SNTG1: variants seen among roughly 807,000 people sequenced by gnomAD.
SNTG1 encodes the protein syntrophin gamma 1.
Under a neutral mutation model 74.7 loss-of-function variants are expected in SNTG1, and 39 were observed. The ratio of observed to expected loss-of-function variants is 0.52; its 90% confidence interval spans 0.40 to 0.68. The LOEUF (loss-of-function observed/expected upper bound fraction) is 0.68. Among genes scored for constraint, SNTG1 ranks in the 30% least tolerant of loss-of-function variants. The pLI is 0.00. For missense variants in SNTG1, 685 were observed against 609.5 expected, an observed-to-expected ratio of 1.12 and a Z score of -1.30; for synonymous variants, 254 against 217.1, an observed-to-expected ratio of 1.17 and a Z score of -1.49.
At chr8:50,174,038 C>G (rs1171552916) in intron 2 of SNTG1, among the ~76,000 whole-genome samples, 6 of 152,128 alleles carry the variant, frequency 3.9e-5, no homozygotes, top group African/African-American at 1.4e-4. Context: ...CTCCCTGTGT[C>G]CATGTGTTCT....
intron 4 of SNTG1, among the ~76,000 whole-genome samples, chr8:50,411,334 G>A (rs189447256): frequency 1.6e-4 from 24 of 151,874 alleles, no homozygotes; most frequent in East Asian, 1.2e-3. Flanking sequence ...TGTAGTGCCC[G>A]CTACTCAGGA....
intron 1 of SNTG1, among the ~76,000 whole-genome samples, chr8:50,155,824 CATAAGATAGAAATA>C (rs2082236049): frequency 6.6e-6 from 1 of 151,596 alleles, no homozygotes; most frequent in East Asian, 1.9e-4. Flanking sequence ...AGAAAACAAA[CATAAGATAGAAATA>C]ATAAAGACAA....
chr8:50,112,149 A>G (rs889988243), intron 1 of SNTG1, among the ~76,000 whole-genome samples: 1 of 152,140 alleles, frequency 6.6e-6, no homozygotes, highest in African/African-American at 2.4e-5. Flanking sequence ...TAGTTGGCAT[A>G]TATTTTATTT....
intron 1 of SNTG1, among the ~76,000 whole-genome samples, chr8:50,162,221 C>T (rs2082440668): frequency 6.6e-6 from 1 of 152,016 alleles, no homozygotes. Flanking sequence ...GTCACAAAGC[C>T]AATGGGAAGT....
chr8:50,530,269 C>G lies in SNTG1; in HGVS notation c.549+10C>G, dbSNP rs936401769. 1.9e-6 allele frequency: 3 copies of G among 1,612,310 alleles called. No homozygotes were observed. Among genetic ancestry groups the G allele is most frequent in the Non-Finnish European group, 2.5e-6 (3 of 1,178,644 alleles). On this transcript the variant is annotated intron_variant, in intron 10 of 18. Transcript: ENST00000642720. Reference sequence around the variant, plus strand: ...CCATCCCAACAATACAGTAAGATGACCCAGGCATAGCTCAGATTAATAAGG... The same window carrying G: ...CCATCCCAACAATACAGTAAGATGAGCCAGGCATAGCTCAGATTAATAAGG...
chr8:50,504,340 T>C (rs2093988790), intron 9 of SNTG1, among the ~76,000 whole-genome samples: 1 of 152,230 alleles, frequency 6.6e-6, no homozygotes, highest in Non-Finnish European at 1.5e-5. Context: ...GAATGATTTA[T>C]ATGTATTGGG....
At chr8:50,130,906 C>T (rs1403319400) in intron 1 of SNTG1, among the ~76,000 whole-genome samples, 1 of 152,038 alleles carries the variant, frequency 6.6e-6, no homozygotes. Flanking sequence ...AACATTTGAG[C>T]TCTTTGTTCT....
At chr8:50,218,570 T>C (rs1444577569) in intron 2 of SNTG1, among the ~76,000 whole-genome samples, 6 of 152,072 alleles carry the variant, frequency 3.9e-5, no homozygotes, top group Admixed American at 3.9e-4. Flanking sequence ...TTTTTCAGTA[T>C]AGTGAATGGT....
chr8:49,939,272 T>G (rs1011330788), intron 1 of SNTG1, among the ~76,000 whole-genome samples: 1 of 152,240 alleles, frequency 6.6e-6, no homozygotes, highest in African/African-American at 2.4e-5. Context: ...TAAATTTGTA[T>G]CTGTATTACT....
chr8:50,015,986 C>T (rs1182428098), intron 1 of SNTG1, among the ~76,000 whole-genome samples: 4 of 151,952 alleles, frequency 2.6e-5, no homozygotes, highest in Admixed American at 1.3e-4. Context: ...AAGAATTGGG[C>T]CCTTTCTGTT....
At chr8:50,754,453 A>G (rs1266333821) in intron 18 of SNTG1, among the ~76,000 whole-genome samples, 1 of 151,842 alleles carries the variant, frequency 6.6e-6, no homozygotes, top group Non-Finnish European at 1.5e-5. Context: ...TGTTATATGT[A>G]TGTTATATCC....
chr8:50,127,043 G>C (rs2081164415), intron 1 of SNTG1, among the ~76,000 whole-genome samples: 1 of 152,054 alleles, frequency 6.6e-6, no homozygotes, highest in Non-Finnish European at 1.5e-5. Context: ...AAAGTCTCCT[G>C]GTAAATAAGG....
intron 2 of SNTG1, among the ~76,000 whole-genome samples, chr8:50,201,015 T>G (rs964784847): frequency 2.6e-5 from 4 of 152,170 alleles, no homozygotes; most frequent in African/African-American, 9.7e-5. Flanking sequence ...TGTCTTTTGA[T>G]TTTTTATTTT....
At chr8:50,478,253 C>T (rs113785819) in intron 8 of SNTG1, among the ~76,000 whole-genome samples, 2,117 of 152,240 alleles carry the variant, frequency 0.014, 37 homozygotes, top group Non-Finnish European at 0.02. Flanking sequence ...GGATTTCAAC[C>T]TATTTTGAAA....
At chr8:50,054,843 T>G (rs1819887511) in intron 1 of SNTG1, among the ~76,000 whole-genome samples, 1 of 152,182 alleles carries the variant, frequency 6.6e-6, no homozygotes. Flanking sequence ...AGCTAATTTC[T>G]TATTGTTATT....
At chr8:50,497,585 C>A (rs1399190832) in intron 8 of SNTG1, among the ~76,000 whole-genome samples, 1 of 151,694 alleles carries the variant, frequency 6.6e-6, no homozygotes, top group Non-Finnish European at 1.5e-5. Context: ...AAAGAAAAAA[C>A]ACTGGAAATT....
rs1049239562 is a variant in SNTG1 at position 50,435,373 on chromosome 8, A to T, written c.163-3170A>T. Among the ~76,000 whole-genome samples, 29 of 152,338 alleles carry T rather than the reference A, an allele frequency of 1.9e-4. 1 individual carries two copies. The South Asian group carries it at 6.0e-3, about 32-fold the overall frequency. On this transcript the variant is annotated intron_variant, in intron 4 of 18. Transcript: ENST00000642720. ...GCTTTGTTACCTGGCAACAGTCTTT[A>T]CGACACTCATGATGTGTTAACTAAA...
intron 1 of SNTG1, among the ~76,000 whole-genome samples, chr8:49,945,170 G>A (rs1045573338): frequency 6.6e-6 from 1 of 152,190 alleles, no homozygotes. Context: ...TAAGATACCT[G>A]GTCATTTATT....
rs566460561 is a variant in SNTG1, at chr8:50,381,701, TTA to T, written c.-27-12498_-27-12497del. ...ATATAGGATATATATATCCTATTAG[TTA>T]TATATATATATAGGATATATATATC... On this transcript the variant is annotated intron_variant, in intron 2 of 18. Transcript: ENST00000642720. 2.9e-5 allele frequency among the ~76,000 whole-genome samples: 4 copies of T among 136,278 alleles called. No individual in the cohort carries two copies. In the South Asian group the frequency reaches 6.7e-4, roughly 23 times the overall value. 89.4% of individuals were successfully genotyped at this position (136,278 alleles called of 152,430 possible).
Sources: gnomAD v4.1 joint callset for allele counts (sites outside exome capture counted in the v4.1 genomes callset) on GRCh38, gnomAD v4.1.1 for gene constraint, MANE v1.5 for transcripts, NCBI Gene and HGNC (gene_info 2026-07-23, HGNC 2026-07-21) for gene names.